EFHC2: variants seen among roughly 807,000 people sequenced by gnomAD.
EFHC2 encodes the protein EF-hand domain containing 2.
In EFHC2, 18 loss-of-function variants were observed where a neutral mutation model predicts 52.7. The ratio of observed to expected loss-of-function variants is 0.34; its 90% CI spans 0.24 to 0.51. The LOEUF (loss-of-function observed/expected upper bound fraction) is 0.51. EFHC2 is among the 20% of genes least tolerant of loss of function. The probability of loss-of-function intolerance (pLI) is 0.97; values close to 1 mark genes in which losing one functional copy is unlikely to be tolerated. For synonymous variants in EFHC2, 203 were observed against 204.1 expected (o/e 0.99, Z 0.04); for missense variants, 513 against 562.5 (o/e 0.91, Z 0.89).
At chrX:44,326,375 G>A (rs887210759) in intron 1 of EFHC2, among the ~76,000 whole-genome samples, 1 of 111,109 alleles carries the variant, frequency 9.0e-6, no homozygotes, top group Admixed American at 9.6e-5. Context: ...CAAAAAGCTA[G>A]AAGAGAGGAT....
At chrX:44,234,471 C>G (rs1310214283) in intron 9 of EFHC2, among the ~76,000 whole-genome samples, 1 of 112,272 alleles carries the variant, frequency 8.9e-6, no homozygotes, top group African/African-American at 3.2e-5. Flanking sequence ...GTAGCTCATA[C>G]CAGCTCATAG....
intron 13 of EFHC2, among the ~76,000 whole-genome samples, chrX:44,170,819 T>A (rs972513356): frequency 7.1e-5 from 8 of 112,170 alleles, no homozygotes; most frequent in African/African-American, 2.6e-4. Context: ...CTGGAGGAAA[T>A]TCTTTTCAAA....
intron 4 of EFHC2, among the ~76,000 whole-genome samples, chrX:44,251,196 G>A (rs1409700129): frequency 3.6e-5 from 3 of 83,372 alleles, no homozygotes; most frequent in East Asian, 4.0e-4. Flanking sequence ...CAGAGATCGC[G>A]CCACTGCACT....
At chrX:44,245,522 T>C (rs2147332318) in intron 7 of EFHC2, among the ~76,000 whole-genome samples, 1 of 112,189 alleles carries the variant, frequency 8.9e-6, no homozygotes, top group Admixed American at 9.4e-5. Context: ...ACCGTGTTCA[T>C]TCACATAAAA....
intron 2 of EFHC2, among the ~76,000 whole-genome samples, chrX:44,281,360 A>G (rs2037700776): frequency 8.9e-6 from 1 of 112,559 alleles, no homozygotes; most frequent in Non-Finnish European, 1.9e-5. Context: ...GTAGTACAAT[A>G]CCACAGTAAC....
At chrX:44,246,197 C>A (rs1160162895) in intron 7 of EFHC2, among the ~76,000 whole-genome samples, 1 of 111,752 alleles carries the variant, frequency 8.9e-6, no homozygotes, top group Admixed American at 9.5e-5. Flanking sequence ...TGTATCTAAG[C>A]AACATTAAGG....
In EFHC2 at chrX:44,240,555, C is replaced by T. The variant is rs190223655; in HGVS notation, c.1280+1566G>A. ...TTACAATAGGGACATTCTTCCTGCCCGCCTCCTTCGGGTGGCTGTCCTTAA... is the reference window on the plus strand; with the variant it reads ...TTACAATAGGGACATTCTTCCTGCCTGCCTCCTTCGGGTGGCTGTCCTTAA... On this transcript the variant is annotated intron_variant, in intron 8 of 14. Coordinates refer to ENST00000420999, the MANE Select transcript of EFHC2 (RefSeq NM_025184.4). Among the ~76,000 whole-genome samples, 9 of 111,999 alleles carry T rather than the reference C, an allele frequency of 8.0e-5. No homozygotes were observed. In the East Asian group the frequency reaches 1.1e-3, roughly 14 times the overall value.
chrX:44,255,792 A>T (rs986781613), intron 4 of EFHC2, among the ~76,000 whole-genome samples: 2 of 111,415 alleles, frequency 1.8e-5, no homozygotes, highest in Non-Finnish European at 3.8e-5. Flanking sequence ...CATCTACAGA[A>T]CTCTCCACCC....
chrX:44,220,135 T>C (rs2037182662), intron 11 of EFHC2, among the ~76,000 whole-genome samples: 1 of 111,988 alleles, frequency 8.9e-6, no homozygotes, highest in Admixed American at 9.5e-5. Flanking sequence ...TCAAAGGATA[T>C]ACATTCCTTG....
At chrX:44,225,263 A>C (rs760928236) in intron 11 of EFHC2, among the ~76,000 whole-genome samples, 93 of 109,957 alleles carry the variant, frequency 8.5e-4, no homozygotes, top group Middle Eastern at 4.7e-3. Flanking sequence ...AAAAAAAAAA[A>C]ACAAAAACCA....
intron 1 of EFHC2, among the ~76,000 whole-genome samples, chrX:44,341,730 G>A (rs1002204835): frequency 5.3e-5 from 6 of 112,799 alleles, no homozygotes; most frequent in African/African-American, 1.3e-4. Context: ...GATTACAGGC[G>A]TGAGCCACTG....
At chrX:44,331,634 G>C (rs1214157554) in intron 1 of EFHC2, among the ~76,000 whole-genome samples, 1 of 112,256 alleles carries the variant, frequency 8.9e-6, no homozygotes, top group East Asian at 2.8e-4. Context: ...TTTGAAAAAT[G>C]AGCTGGACAC....
chrX:44,313,156 G>A (rs2147383193), intron 1 of EFHC2, among the ~76,000 whole-genome samples: 1 of 110,038 alleles, frequency 9.1e-6, no homozygotes, highest in African/African-American at 3.3e-5. Context: ...AATAAAAAGT[G>A]TATGTAACTG....
chrX:44,231,177 C>A (rs952044849), intron 10 of EFHC2, among the ~76,000 whole-genome samples: 7 of 112,099 alleles, frequency 6.2e-5, no homozygotes, highest in Admixed American at 5.6e-4. Context: ...GGCCTCCTAT[C>A]AAGAGAGACC....
At chrX:44,296,110 A>G (rs889068211) in intron 2 of EFHC2, among the ~76,000 whole-genome samples, 6 of 111,673 alleles carry the variant, frequency 5.4e-5, no homozygotes, top group Non-Finnish European at 9.4e-5. Flanking sequence ...CCTATATCCC[A>G]CAAAGCATAA....
At chrX:44,319,051 C>G (rs187909306) in intron 1 of EFHC2, among the ~76,000 whole-genome samples, 1 of 105,365 alleles carries the variant, frequency 9.5e-6, no homozygotes, top group Non-Finnish European at 2.0e-5. Context: ...TCGCCCAGGC[C>G]GGAGTACAGT....
intron 1 of EFHC2, among the ~76,000 whole-genome samples, chrX:44,322,292 G>C (rs2038026036): frequency 9.0e-6 from 1 of 111,574 alleles, no homozygotes; most frequent in Non-Finnish European, 1.9e-5. Flanking sequence ...TCTTATACTA[G>C]GCTTTGTACT....
At chrX:44,305,641 A>G (rs764238926) in intron 2 of EFHC2, among the ~76,000 whole-genome samples, 1 of 112,132 alleles carries the variant, frequency 8.9e-6, no homozygotes, top group South Asian at 3.7e-4. Flanking sequence ...CATTGTGACA[A>G]CTCAAAACAC....
chrX:44,208,020 A>G (rs770354551), intron 11 of EFHC2, among the ~76,000 whole-genome samples: 2 of 112,696 alleles, frequency 1.8e-5, no homozygotes, highest in South Asian at 7.4e-4. Flanking sequence ...ATGCAGAGAA[A>G]AGGGAATGCT....
Sources: allele counts gnomAD v4.1 joint callset (sites outside exome capture counted in the v4.1 genomes callset), GRCh38; gene constraint gnomAD v4.1.1; transcripts MANE v1.5; gene names NCBI Gene and HGNC (gene_info 2026-07-23, HGNC 2026-07-21).